Variants in FILIP1L observed in about 807,000 individuals in gnomAD.
FILIP1L encodes the protein filamin A interacting protein 1 like.
A neutral mutation model predicts 96.6 loss-of-function variants in FILIP1L; 55 were observed. The observed-to-expected ratio is 0.57, with a 90% CI of 0.46 to 0.71. The LOEUF (loss-of-function observed/expected upper bound fraction) is 0.71. FILIP1L is among the 30% of genes least tolerant of loss of function. The pLI is 0.00. For synonymous variants in FILIP1L, 467 were observed against 473.9 expected (o/e 0.99, Z 0.19); for missense variants, 1,304 against 1,321.2 (o/e 0.99, Z 0.20).
At chr3:100,024,428 C>T (rs190187573) in intron 1 of FILIP1L, among the ~76,000 whole-genome samples, 2 of 152,176 alleles carry the variant, frequency 1.3e-5, no homozygotes, top group Non-Finnish European at 2.9e-5. Context: ...AATTGTTTTC[C>T]TGTCTTCCAC....
At chr3:100,055,550 T>C (rs901400676) in intron 1 of FILIP1L, among the ~76,000 whole-genome samples, 8 of 152,346 alleles carry the variant, frequency 5.3e-5, no homozygotes, top group Middle Eastern at 3.4e-3. Context: ...CCTGTGTTCA[T>C]TGAATGTGGA....
intron 1 of FILIP1L, among the ~76,000 whole-genome samples, chr3:100,009,441 A>G (rs969140143): frequency 2.6e-5 from 4 of 152,162 alleles, no homozygotes; most frequent in Non-Finnish European, 5.9e-5. Context: ...TTAATGGACC[A>G]TGAAGACTAG....
chr3:99,897,641 T>A (rs1706301670), intron 4 of FILIP1L, among the ~76,000 whole-genome samples: 1 of 152,202 alleles, frequency 6.6e-6, no homozygotes, highest in Non-Finnish European at 1.5e-5. Flanking sequence ...AAATCCAGAA[T>A]ACTGAAAGTA....
At chr3:99,911,516 G>A (rs566458584) in intron 4 of FILIP1L, among the ~76,000 whole-genome samples, 1 of 152,054 alleles carries the variant, frequency 6.6e-6, no homozygotes, top group Admixed American at 6.5e-5. Flanking sequence ...GAAATCCAAG[G>A]TTGTGGCATA....
At chr3:100,103,294 A>G (rs1047436183) in intron 1 of FILIP1L, among the ~76,000 whole-genome samples, 11 of 152,212 alleles carry the variant, frequency 7.2e-5, no homozygotes, top group Non-Finnish European at 1.3e-4. Flanking sequence ...AGTCAGCCAG[A>G]AACACACATG....
intron 4 of FILIP1L, among the ~76,000 whole-genome samples, chr3:99,864,865 T>C (rs1285548376): frequency 6.6e-6 from 1 of 152,170 alleles, no homozygotes; most frequent in East Asian, 1.9e-4. Context: ...TTACTGTCTC[T>C]CCTACTAGAA....
chr3:99,942,476 G>A (rs1707878327), intron 1 of FILIP1L, among the ~76,000 whole-genome samples: 1 of 152,164 alleles, frequency 6.6e-6, no homozygotes, highest in Non-Finnish European at 1.5e-5. Flanking sequence ...ATTTGGAAAT[G>A]TTCATAATAA....
intron 3 of FILIP1L, among the ~76,000 whole-genome samples, chr3:99,927,950 T>A (rs1707349685): frequency 6.6e-6 from 1 of 152,176 alleles, no homozygotes; most frequent in East Asian, 1.9e-4. Flanking sequence ...TTCTAAGTTA[T>A]TTTGCCTTAA....
rs1705697558 is a variant in FILIP1L at position 99,880,716 on chromosome 3, C to T, written c.606-29646G>A. Reference sequence around the variant, plus strand: ...TTTTTTTTATTTTAAAATTAATAGGCACCCTTCATAATTTGGAAAATGCAT... The same window carrying T: ...TTTTTTTTATTTTAAAATTAATAGGTACCCTTCATAATTTGGAAAATGCAT... On this transcript the variant is annotated intron_variant, in intron 4 of 5. Coordinates refer to ENST00000477258, the MANE Select transcript of FILIP1L (RefSeq NM_001387850.1). 2.6e-5 allele frequency among the ~76,000 whole-genome samples: 4 copies of T among 151,936 alleles called. No homozygotes were observed. The South Asian group carries it at 8.3e-4, about 32-fold the overall frequency.
chr3:99,945,140 T>C (rs994868807), intron 1 of FILIP1L, among the ~76,000 whole-genome samples: 4 of 152,214 alleles, frequency 2.6e-5, no homozygotes, highest in Non-Finnish European at 4.4e-5. Flanking sequence ...TTGGTGGTCA[T>C]GTGGCTGTGA....
At chr3:99,914,264 T>G (rs1706883787) in intron 4 of FILIP1L, among the ~76,000 whole-genome samples, 1 of 152,204 alleles carries the variant, frequency 6.6e-6, no homozygotes, top group South Asian at 2.1e-4. Context: ...CCTCAGACAT[T>G]TCAGAGAATG....
chr3:100,066,705 G>A (rs376465349), intron 1 of FILIP1L, among the ~76,000 whole-genome samples: 2 of 108,036 alleles, frequency 1.9e-5, no homozygotes, highest in Non-Finnish European at 4.2e-5. Context: ...CTAATTTTTT[G>A]TATTTTTAGT....
At chr3:100,052,654 G>A (rs1419815925) in intron 1 of FILIP1L, among the ~76,000 whole-genome samples, 10 of 152,144 alleles carry the variant, frequency 6.6e-5, no homozygotes, top group African/African-American at 2.4e-4. Context: ...GAATCCATGG[G>A]TAAGTTAATG....
intron 1 of FILIP1L, among the ~76,000 whole-genome samples, chr3:100,077,186 A>G (rs1413672838): frequency 6.6e-6 from 1 of 152,230 alleles, no homozygotes; most frequent in Non-Finnish European, 1.5e-5. Flanking sequence ...GGAACTGCAT[A>G]CTTTCACATG....
At chr3:99,901,942 GT>G (rs1706451861) in intron 4 of FILIP1L, among the ~76,000 whole-genome samples, 1 of 152,096 alleles carries the variant, frequency 6.6e-6, no homozygotes, top group Non-Finnish European at 1.5e-5. Context: ...CAAAATATGT[GT>G]TGCTGATAAT....
At chr3:99,956,639 G>T (rs1316185141) in intron 1 of FILIP1L, among the ~76,000 whole-genome samples, 1 of 152,192 alleles carries the variant, frequency 6.6e-6, no homozygotes, top group Non-Finnish European at 1.5e-5. Context: ...GAGCCCCCGC[G>T]CCCAGCCACC....
chr3:100,001,038 A>G (rs1576632285), intron 1 of FILIP1L, among the ~76,000 whole-genome samples: 1 of 152,050 alleles, frequency 6.6e-6, no homozygotes, highest in South Asian at 2.1e-4. Context: ...ATTGTTCTAT[A>G]TTTCACACAC....
intron 1 of FILIP1L, among the ~76,000 whole-genome samples, chr3:100,094,380 A>G (rs142114157): frequency 6.6e-6 from 1 of 152,250 alleles, no homozygotes; most frequent in East Asian, 1.9e-4. Context: ...ATATCAAGAT[A>G]TTATTTTCAT....
intron 1 of FILIP1L, among the ~76,000 whole-genome samples, chr3:100,036,909 G>T (rs942059506): frequency 6.6e-6 from 1 of 151,984 alleles, no homozygotes; most frequent in Admixed American, 6.6e-5. Context: ...CCCCAAATAT[G>T]CATAATTAAT....
Sources: allele counts gnomAD v4.1 joint callset (sites outside exome capture counted in the v4.1 genomes callset), GRCh38; gene constraint gnomAD v4.1.1; transcripts MANE v1.5; gene names NCBI Gene and HGNC (gene_info 2026-07-23, HGNC 2026-07-21).